The following PI4K2A variants were observed in gnomAD, a reference collection of about 807,000 sequenced individuals.
PI4K2A encodes the protein phosphatidylinositol 4-kinase type 2-alpha.
Under a neutral mutation model 55.0 loss-of-function variants are expected in PI4K2A, and 20 were observed. The observed-to-expected ratio is 0.36, with a 90% CI of 0.26 to 0.53. The LOEUF (loss-of-function observed/expected upper bound fraction) is 0.53. Ranked by LOEUF, PI4K2A falls within the 20% of genes least tolerant of loss-of-function variation. The pLI is 0.91. For synonymous variants in PI4K2A, 235 were observed against 258.5 expected (o/e 0.91, Z 0.87); for missense variants, 463 against 637.1 (o/e 0.73, Z 2.94).
At chr10:97,666,613 G>GGAA in intron 7 of PI4K2A, 42 bp downstream of exon 7, 1 of 1,542,642 alleles carries the variant, frequency 6.5e-7, no homozygotes, top group Non-Finnish European at 8.8e-7. Flanking sequence ...TATGGGAGAA[G>GGAA]GAATTTTTAA....
At chr10:97,642,948 CTTTCTTTCTT>C (rs1180263026) in intron 1 of PI4K2A, among the ~76,000 whole-genome samples, 6 of 143,994 alleles carry the variant, frequency 4.2e-5, no homozygotes, top group African/African-American at 1.1e-4. Flanking sequence ...CTTTCTTTCT[CTTTCTTTCTT>C]TTTCTTTCTT....
exon 9 of PI4K2A, chr10:97,673,997 C>T: frequency 2.2e-6 from 1 of 445,680 alleles, no homozygotes; most frequent in East Asian, 3.6e-5. Flanking sequence ...AGGAACATCT[C>T]CCTTCCAGCA....
chr10:97,673,532 C>G, intron 8 of PI4K2A, 49 bp from the exon 9 acceptor site: 1 of 1,537,408 alleles, frequency 6.5e-7, no homozygotes, highest in Non-Finnish European at 9.0e-7. Flanking sequence ...AGAGGCAGAT[C>G]TGGAATGCTG....
intron 1 of PI4K2A, among the ~76,000 whole-genome samples, chr10:97,644,791 CTT>C (rs2041496109): frequency 6.6e-6 from 1 of 152,134 alleles, no homozygotes; most frequent in African/African-American, 2.4e-5. Context: ...GAACTATAGT[CTT>C]TTTTCTTTTT....
chr10:97,666,633 T>C (rs1023259203), intron 7 of PI4K2A, 62 bp downstream of exon 7: 2 of 1,441,530 alleles, frequency 1.4e-6, no homozygotes, highest in Non-Finnish European at 9.5e-7. Context: ...ATGGTTTTTT[T>C]AATTGGTCCT....
rs1304335418 is a variant in PI4K2A, at chr10:97,656,864, A to C, written c.812A>C (p.Asp271Ala). Residue 271 changes from aspartate (D) to alanine (A), a missense_variant, in exon 4 of 9, where the codon GAC becomes GCC. Physicochemically the swap from Asp to Ala is moderately radical, Grantham distance 126. Around this residue, in one of 2 missense-constraint regions of PI4K2A, gnomAD observed 277 missense variants for 432.6 expected, o/e 0.64. Transcript: ENST00000370631. This position sits in a 1 kb window ranked among gnomAD's most constrained non-coding sequence, Gnocchi z 4.5. ...TTTGTTGAAGGCTACAAAGATGCAGACTATTGGCTGCGGCGTTTTGAAGCA... is the reference window on the plus strand; with the variant it reads ...TTTGTTGAAGGCTACAAAGATGCAGCCTATTGGCTGCGGCGTTTTGAAGCA... The C allele has an allele frequency of 5.6e-6, 9 of 1,614,068 alleles. No homozygotes were observed. The highest frequency in any genetic ancestry group is 6.8e-6 in the Non-Finnish European group (8 of 1,179,938).
At chr10:97,663,340 C>A (rs965143689) in intron 5 of PI4K2A, among the ~76,000 whole-genome samples, 1 of 152,174 alleles carries the variant, frequency 6.6e-6, no homozygotes, top group Admixed American at 6.5e-5. Context: ...CAACAGACCG[C>A]AAGTCCACAG....
At chr10:97,671,096 C>T (rs897000370) in intron 8 of PI4K2A, among the ~76,000 whole-genome samples, 2 of 151,456 alleles carry the variant, frequency 1.3e-5, no homozygotes, top group Non-Finnish European at 1.5e-5. Flanking sequence ...GAGATTGTGC[C>T]GTTGCACTCC....
At chr10:97,640,709 A>G (rs1385241230) in exon 1 of PI4K2A, 16 of 1,421,238 alleles carry the variant, frequency 1.1e-5, no homozygotes, top group Admixed American at 5.3e-5. Flanking sequence ...AGTGGTGTGG[A>G]GCGCGCCGGG....
intron 4 of PI4K2A, among the ~76,000 whole-genome samples, chr10:97,658,263 C>A (rs181440470): frequency 6.6e-6 from 1 of 152,332 alleles, no homozygotes; most frequent in Admixed American, 6.5e-5. Flanking sequence ...ACTCTAAGTA[C>A]CTCATGTAAG....
At chr10:97,672,293 G>A (rs565169622) in intron 8 of PI4K2A, among the ~76,000 whole-genome samples, 6 of 151,940 alleles carry the variant, frequency 3.9e-5, no homozygotes, top group Admixed American at 1.3e-4. Context: ...TGCCCACCTC[G>A]GCCTCCCAAA....
chr10:97,644,608 A>G lies in PI4K2A; in HGVS notation c.435+3431A>G, dbSNP rs574795947. 1.1e-3 allele frequency among the ~76,000 whole-genome samples: 166 copies of G among 152,264 alleles called. 2 individuals are homozygous for G. Among genetic ancestry groups the G allele is most frequent in the African/African-American group, 3.8e-3 (159 of 41,562 alleles). The stretch of plus-strand genomic sequence containing the variant: ...ATCTTTAGGATATGGCTTCTACTAC[A>G]TGGTCCAAGATGGCCGCTCAAGCTG... On this transcript the variant is annotated intron_variant, in intron 1 of 8. Coordinates refer to ENST00000370631, the Ensembl canonical transcript of PI4K2A.
intron 5 of PI4K2A, among the ~76,000 whole-genome samples, chr10:97,664,203 A>G (rs1169857133): frequency 6.6e-6 from 1 of 152,186 alleles, no homozygotes; most frequent in Non-Finnish European, 1.5e-5. Flanking sequence ...TTAATAAGGT[A>G]TCTCAGGGGA....
At chr10:97,645,533 G>A (rs543728742) in intron 1 of PI4K2A, among the ~76,000 whole-genome samples, 19 of 150,366 alleles carry the variant, frequency 1.3e-4, no homozygotes, top group African/African-American at 2.4e-4. Flanking sequence ...GCGTGAACCC[G>A]GGAGGCGGAG....
chr10:97,655,369 C>CA (rs61219001), intron 2 of PI4K2A, among the ~76,000 whole-genome samples: 2,791 of 65,832 alleles, frequency 0.042, 80 homozygotes, highest in African/African-American at 0.11. Flanking sequence ...GACTCTGTCT[C>CA]AAAAAAAAAA....
chr10:97,657,758 T>G (rs1366445386), intron 4 of PI4K2A, among the ~76,000 whole-genome samples: 1 of 152,124 alleles, frequency 6.6e-6, no homozygotes, highest in Non-Finnish European at 1.5e-5. Context: ...AACATAAAAT[T>G]TATTATCTTA....
intron 8 of PI4K2A, among the ~76,000 whole-genome samples, chr10:97,672,661 A>G (rs963736361): frequency 4.6e-5 from 7 of 150,998 alleles, no homozygotes; most frequent in African/African-American, 1.7e-4. Flanking sequence ...TTTTGGAACT[A>G]AATGTTTTAT....
At chr10:97,641,045 G>A in exon 1 of PI4K2A, 1 of 1,601,128 alleles carries the variant, frequency 6.2e-7, no homozygotes, top group Non-Finnish European at 8.5e-7. Flanking sequence ...ACCGCGAGCG[G>A]AACGAGTTCC....
In PI4K2A at chr10:97,656,792, A is replaced by G; in HGVS notation, c.769-29A>G. The G allele has an allele frequency of 6.2e-7, 1 of 1,611,738 alleles. No individual in the cohort carries two copies. Among genetic ancestry groups the G allele is most frequent in the Non-Finnish European group, 8.5e-7 (1 of 1,178,010 alleles). On this transcript the variant is annotated intron_variant, in intron 3 of 8. Transcript: ENST00000370631. This position sits in a 1 kb window ranked among gnomAD's most constrained non-coding sequence, Gnocchi z 4.5. The stretch of plus-strand genomic sequence containing the variant: ...GTCTTTGGATTTGGGCAGTAGGGAA[A>G]AACCTTTGTTCCTTCCTCTTGGTTC...
Sources: allele counts gnomAD v4.1 joint callset (sites outside exome capture counted in the v4.1 genomes callset), GRCh38; gene constraint gnomAD v4.1.1; regional missense constraint gnomAD v4.1.1; non-coding constraint Gnocchi (gnomAD v3.1); transcripts MANE v1.5; gene names NCBI Gene and HGNC (gene_info 2026-07-23, HGNC 2026-07-21).